Variants in PTPRZ1 observed in about 807,000 individuals in gnomAD.
PTPRZ1 encodes the protein receptor-type tyrosine-protein phosphatase zeta.
A neutral mutation model predicts 214.1 loss-of-function variants in PTPRZ1; 82 were observed. The ratio of observed to expected loss-of-function variants is 0.38; its 90% CI spans 0.32 to 0.46. The LOEUF (loss-of-function observed/expected upper bound fraction) is 0.46. PTPRZ1 is among the 20% of genes least tolerant of loss of function. The pLI, the probability that PTPRZ1 is intolerant of heterozygous loss-of-function variation, is 1.00. For missense variants in PTPRZ1, 2,603 were observed against 2,748.7 expected (o/e 0.95, Z 1.19); for synonymous variants, 945 against 987.9 (o/e 0.96, Z 0.81).
At chr7:122,029,894 T>C (rs933109699) in intron 14 of PTPRZ1, among the ~76,000 whole-genome samples, 2 of 151,908 alleles carry the variant, frequency 1.3e-5, no homozygotes, top group Non-Finnish European at 1.5e-5. Flanking sequence ...GTTTTTCTAG[T>C]TTACATTAAA....
intron 11 of PTPRZ1, among the ~76,000 whole-genome samples, 166 bp from the exon 12 acceptor site, chr7:122,010,168 G>A (rs192334105): frequency 1.3e-5 from 2 of 152,114 alleles, no homozygotes; most frequent in Non-Finnish European, 2.9e-5. Context: ...CCTGTAGAGC[G>A]GATGGTAAAG....
rs547118153 is a variant in PTPRZ1 at position 121,914,593 on chromosome 7, A to G, written c.59-13563A>G. On this transcript the variant is annotated intron_variant, in intron 1 of 29. Transcript: ENST00000393386. ...TGAAAAATCCTTGGGACGTGCCTTG[A>G]ATTTAAAGAATCAAGTTCATTAAAA... Among the ~76,000 whole-genome samples the G allele has an allele frequency of 2.6e-3, 399 of 152,284 alleles. 1 individual carries two copies. The highest frequency in any genetic ancestry group is 3.0e-3 in the Non-Finnish European group (205 of 68,022).
At chr7:121,980,330 G>A (rs1055103679) in intron 6 of PTPRZ1, among the ~76,000 whole-genome samples, 2 of 152,136 alleles carry the variant, frequency 1.3e-5, no homozygotes, top group Non-Finnish European at 2.9e-5. Flanking sequence ...GTCAGTTAAG[G>A]AGGTAATTTA....
In PTPRZ1 at chr7:122,023,775, TAA is replaced by T. The variant is rs1491350975; in HGVS notation, c.4988+4508_4988+4509del. Among the ~76,000 whole-genome samples, 428 of 136,898 alleles carry T rather than the reference TAA, an allele frequency of 3.1e-3. 3 individuals carry two copies. The highest frequency in any genetic ancestry group is 0.01 in the African/African-American group (383 of 37,000). The allele number at this position is 136,898 out of a possible 152,430, so 89.8% of individuals were successfully genotyped here. A position where few individuals can be genotyped will look rare whatever the true frequency, so the allele number is the denominator to read the frequency against. On this transcript the variant is annotated intron_variant, in intron 13 of 29. Coordinates refer to ENST00000393386, the MANE Select transcript of PTPRZ1 (RefSeq NM_002851.3). ...TATATATAATGTATAATTTTATATA[TAA>T]TATATATTATATGTATAATTTTATA... is the stretch of plus-strand genomic sequence containing the variant.
At position 122,031,501 on chromosome 7, in the gene PTPRZ1, A is replaced by G. The variant is rs1216993527; in HGVS notation, c.5108A>G (p.His1703Arg). The G allele has an allele frequency of 6.2e-7, 1 of 1,611,474 alleles. No homozygotes were observed. The highest frequency in any genetic ancestry group is 8.5e-7 in the Non-Finnish European group (1 of 1,178,588). The change falls in exon 15 of 30, where the codon CAC becomes CGC. Residue 1703 changes from histidine (H) to arginine (R), a missense_variant. Coordinates refer to ENST00000393386, the MANE Select transcript of PTPRZ1 (RefSeq NM_002851.3). ...SDDVGAIPIKHFPKHVADLHA... is the reference protein window; with the variant it reads ...SDDVGAIPIKRFPKHVADLHA... ...GATGTCGGAGCAATTCCAATAAAGC[A>G]CTTTCCAAAGCATGTTGCAGATTTA... is the stretch of plus-strand genomic sequence containing the variant.
chr7:121,873,653 C>T (rs1584587849), intron 1 of PTPRZ1, 96 bp downstream of exon 1: 2 of 1,452,958 alleles, frequency 1.4e-6, no homozygotes, highest in Admixed American at 3.5e-5. Context: ...CCGCCGCCGC[C>T]ATCTAGCCAG....
Position 122,011,681 on chromosome 7 carries a change from G to A in PTPRZ1, c.2635G>A (p.Val879Met). The change falls in exon 12 of 30, where the codon GTG becomes ATG. Residue 879 changes from valine (V) to methionine (M), a missense_variant. By Grantham distance (21) the Val-to-Met change is conservative. This residue lies in a region of PTPRZ1 where 1,913 missense variants were observed against 1,914.3 expected (regional missense o/e 1.00). Coordinates refer to ENST00000393386, the MANE Select transcript of PTPRZ1 (RefSeq NM_002851.3). ...LEPSLAQYSD[V>M]LSTTHAASET... ...GCCCAGCCTTGCTCAGTATTCTGAT[G>A]TGCTGTCCACTACTCATGCTGCTTC... 2 of 1,614,064 alleles carry A rather than the reference G, an allele frequency of 1.2e-6. No homozygotes were observed. The highest frequency in any genetic ancestry group is 1.6e-4 in the Middle Eastern group (1 of 6,062).
chr7:122,010,055 T>C (rs1798599913), intron 11 of PTPRZ1, among the ~76,000 whole-genome samples: 1 of 152,180 alleles, frequency 6.6e-6, no homozygotes, highest in East Asian at 1.9e-4. Context: ...ACAGTGTGTC[T>C]TCCTTTTAAA....
intron 1 of PTPRZ1, among the ~76,000 whole-genome samples, chr7:121,906,015 A>G (rs1397440001): frequency 6.6e-6 from 1 of 152,230 alleles, no homozygotes; most frequent in Non-Finnish European, 1.5e-5. Flanking sequence ...ATTGCTTCTC[A>G]AATAAAAGCT....
chr7:122,050,557 T>A (rs1350937258), intron 23 of PTPRZ1, among the ~76,000 whole-genome samples: 1 of 151,622 alleles, frequency 6.6e-6, no homozygotes, highest in African/African-American at 2.4e-5. Flanking sequence ...CGTAAAATGA[T>A]AATTTGCAGA....
intron 17 of PTPRZ1, 28 bp downstream of exon 17, chr7:122,034,406 C>A (rs1799476396): frequency 1.3e-6 from 2 of 1,594,154 alleles, no homozygotes; most frequent in Non-Finnish European, 1.7e-6. Flanking sequence ...TCAGCTCTGA[C>A]TTCAATATCA....
chr7:122,043,430 G>T (rs1799790432), intron 22 of PTPRZ1, among the ~76,000 whole-genome samples: 1 of 152,150 alleles, frequency 6.6e-6, no homozygotes, highest in African/African-American at 2.4e-5. Flanking sequence ...TATGAATTAT[G>T]CTTAAATTAT....
intron 27 of PTPRZ1, among the ~76,000 whole-genome samples, chr7:122,058,018 A>G (rs999388334): frequency 4.6e-5 from 7 of 151,036 alleles, no homozygotes; most frequent in Non-Finnish European, 8.9e-5. Context: ...TTGTTCTAGG[A>G]CATTTATTTT....
intron 12 of PTPRZ1, among the ~76,000 whole-genome samples, chr7:122,018,214 C>T (rs1798904606): frequency 6.6e-6 from 1 of 152,146 alleles, no homozygotes; most frequent in African/African-American, 2.4e-5. Context: ...AAACCGTTCT[C>T]ATGCTCAGTC....
intron 1 of PTPRZ1, among the ~76,000 whole-genome samples, chr7:121,895,852 TC>T (rs1794770367): frequency 6.6e-6 from 1 of 152,180 alleles, no homozygotes. Context: ...TCTTCCCTCT[TC>T]CTTGATGTAT....
rs1366345437 is a variant in PTPRZ1 at position 122,000,662 on chromosome 7, T to TGA, written c.1240+2656_1240+2657insGA. Among the ~76,000 whole-genome samples, 109 of 28,350 alleles carry TGA rather than the reference T, an allele frequency of 3.8e-3. 4 individuals are homozygous for TGA. Among genetic ancestry groups the TGA allele is most frequent in the Non-Finnish European group, 7.4e-3 (96 of 13,020 alleles). The allele number at this position is 28,350 out of a possible 152,430, so 18.6% of individuals were successfully genotyped here. A position where few individuals can be genotyped will look rare whatever the true frequency, so the allele number is the denominator to read the frequency against. On this transcript the variant is annotated intron_variant, in intron 10 of 29. Coordinates refer to ENST00000393386, the MANE Select transcript of PTPRZ1 (RefSeq NM_002851.3). ...GATAGATTTCATATATATATATATA[T>TGA]ATATATATATATATATATATATATA...
chr7:121,945,087 C>A (rs535734031), intron 2 of PTPRZ1, among the ~76,000 whole-genome samples: 4 of 152,282 alleles, frequency 2.6e-5, no homozygotes, highest in African/African-American at 9.6e-5. Context: ...ATTTGAAAAT[C>A]TCATAATGAA....
chr7:121,952,198 T>TCC (rs1796566943), intron 2 of PTPRZ1, among the ~76,000 whole-genome samples: 1 of 152,146 alleles, frequency 6.6e-6, no homozygotes, highest in Non-Finnish European at 1.5e-5. Flanking sequence ...GACCTCGTGA[T>TCC]TGGCCGGCCT....
chr7:122,058,218 G>T (rs548353511), intron 27 of PTPRZ1, among the ~76,000 whole-genome samples: 4 of 151,734 alleles, frequency 2.6e-5, no homozygotes, highest in Admixed American at 1.3e-4. Flanking sequence ...TTTAAAAAAG[G>T]TATCATTTTT....
Sources: gnomAD v4.1 joint callset for allele counts (sites outside exome capture counted in the v4.1 genomes callset) on GRCh38, gnomAD v4.1.1 for gene constraint, gnomAD v4.1.1 regional missense constraint, MANE v1.5 for transcripts, NCBI Gene and HGNC (gene_info 2026-07-23, HGNC 2026-07-21) for gene names.